Variants in ABCA10 observed in about 807,000 individuals in gnomAD.
ABCA10 encodes the protein ATP binding cassette subfamily A member 10.
Under a neutral mutation model 187.5 loss-of-function variants are expected in ABCA10, and 169 were observed. The observed-to-expected ratio is 0.90, with a 90% CI of 0.80 to 1.02. ABCA10 has a LOEUF of 1.02. Among genes scored for constraint, ABCA10 ranks in the 50% least tolerant of loss-of-function variants. The probability of loss-of-function intolerance (pLI) is 0.00; values close to 1 mark genes in which losing one functional copy is unlikely to be tolerated. For synonymous variants in ABCA10, 574 were observed against 601.8 expected, an observed-to-expected ratio of 0.95 and a Z score of 0.68; for missense variants, 1,727 against 1,812.4, an observed-to-expected ratio of 0.95 and a Z score of 0.86.
At chr17:69,231,808 A>G (rs1296176877), upstream of ABCA10, among the ~76,000 whole-genome samples, 1 of 149,290 alleles carries the variant, frequency 6.7e-6, no homozygotes, top group Non-Finnish European at 1.5e-5. Context: ...TGGTTTAATT[A>G]TAATGTTTCT....
intron 27 of ABCA10, among the ~76,000 whole-genome samples, chr17:69,163,128 C>A (rs1326812335): frequency 6.6e-6 from 1 of 152,044 alleles, no homozygotes; most frequent in African/African-American, 2.4e-5. Flanking sequence ...TGAGTCACTG[C>A]GCCTGGCCAA....
chr17:69,183,640 A>G (rs2074397927), intron 20 of ABCA10, among the ~76,000 whole-genome samples: 1 of 152,120 alleles, frequency 6.6e-6, no homozygotes, highest in African/African-American at 2.4e-5. Context: ...ACCTGGAGCT[A>G]AGACGAATTT....
At position 69,194,402 on chromosome 17, in the gene ABCA10, A is replaced by C. The variant is rs147311261; in HGVS notation, c.1328T>G (p.Leu443Trp). The change falls in exon 12 of 39, where the codon TTG (leucine) becomes TGG (tryptophan). Residue 443 changes from leucine to tryptophan, a missense_variant. Transcript: ENST00000690296. ...TTTCTCACCTTCTGTAGAAACAGACAATCCACTAAGAATGTTTAGCAGTGT... is the reference window on the plus strand; with the variant it reads ...TTTCTCACCTTCTGTAGAAACAGACCATCCACTAAGAATGTTTAGCAGTGT... ...KSTLLNILSG[L>W]SVSTEGSATI... 51 of 1,610,162 alleles carry C rather than the reference A, an allele frequency of 3.2e-5. No homozygotes were observed. The highest frequency in any genetic ancestry group is 4.2e-5 in the Non-Finnish European group (49 of 1,177,356).
chr17:69,185,147 G>A (rs1598102655), intron 20 of ABCA10, among the ~76,000 whole-genome samples: 2 of 151,988 alleles, frequency 1.3e-5, no homozygotes, highest in East Asian at 1.9e-4. Context: ...GAGGACTTGG[G>A]AAAGGGTGGG....
chr17:69,201,758 A>G (rs2074547469), intron 9 of ABCA10, 90 bp from the exon 10 acceptor site: 2 of 1,104,734 alleles, frequency 1.8e-6, no homozygotes, highest in South Asian at 2.2e-5. Context: ...TCAATTTTGA[A>G]CTTAAGTTAT....
At chr17:69,201,812 T>C in intron 9 of ABCA10, 144 bp from the exon 10 acceptor site, 1 of 695,662 alleles carries the variant, frequency 1.4e-6, no homozygotes, top group South Asian at 3.0e-5. Context: ...TTTGAGACAG[T>C]CACGCTCTGT....
intron 31 of ABCA10, 70 bp downstream of exon 31, chr17:69,154,165 A>G: frequency 6.8e-7 from 1 of 1,461,370 alleles, no homozygotes; most frequent in African/African-American, 1.4e-5. Flanking sequence ...AAGATATTTG[A>G]TTTACTGATA....
In ABCA10 at chr17:69,193,310, C is replaced by T. The variant is rs191162201; in HGVS notation, c.1642-62G>A. The T allele has an allele frequency of 1.1e-5, 17 of 1,577,806 alleles. No individual in the cohort carries two copies. In the Admixed American group the frequency reaches 1.5e-4, roughly 14 times the overall value. On this transcript the variant is annotated intron_variant, in intron 14 of 38. Transcript: ENST00000690296. ...TCACAGTGAGGATCTTCAGAAAGCACCATGAAAACAAGTATGATTTCTAGA... is the reference window on the plus strand; with the variant it reads ...TCACAGTGAGGATCTTCAGAAAGCATCATGAAAACAAGTATGATTTCTAGA...
chr17:69,205,389 G>C (rs1489479960), intron 9 of ABCA10, among the ~76,000 whole-genome samples: 2 of 152,190 alleles, frequency 1.3e-5, no homozygotes, highest in Non-Finnish European at 2.9e-5. Flanking sequence ...TATTTAATTT[G>C]CTGGGAATTT....
chr17:69,162,161 G>C (rs1484036784), intron 27 of ABCA10, among the ~76,000 whole-genome samples: 1 of 152,188 alleles, frequency 6.6e-6, no homozygotes, highest in Non-Finnish European at 1.5e-5. Flanking sequence ...GAAGACAAGA[G>C]CAGAGCATTC....
intron 37 of ABCA10, 98 bp from the exon 38 acceptor site, chr17:69,149,186 C>T: frequency 7.4e-7 from 1 of 1,354,374 alleles, no homozygotes; most frequent in Non-Finnish European, 1.0e-6. Flanking sequence ...TGTTTAGATA[C>T]TGTAAGATAT....
intron 1 of ABCA10, chr17:69,233,935 C>G (rs181208669): frequency 2.4e-4 from 37 of 152,328 alleles, no homozygotes; most frequent in African/African-American, 8.7e-4. Flanking sequence ...AACCTAAACC[C>G]AGAAGACTGT....
At position 69,182,275 on chromosome 17, in the gene ABCA10, C is replaced by G. The variant is rs984317465; in HGVS notation, c.2647G>C (p.Val883Leu). The change falls in exon 22 of 39, where the codon GTT becomes CTT. Residue 883 changes from valine to leucine, a missense_variant. Transcript: ENST00000690296. ...TTCAATTTCTTGGTATTACACGCAA[C>G]AGAAAATCTGTAATCCTTGAAAAAA... ...SGDQKDYRFS[V>L]ACNTKKLNCF... 6.4e-7 allele frequency: 1 copy of G among 1,552,406 alleles called. No homozygotes were observed. The highest frequency in any genetic ancestry group is 8.7e-7 in the Non-Finnish European group (1 of 1,149,344).
intron 8 of ABCA10, 123 bp downstream of exon 8, chr17:69,215,692 C>G (rs2074698264): frequency 1.0e-6 from 1 of 973,406 alleles, no homozygotes; most frequent in South Asian, 3.5e-5. Context: ...TTTAGTTTCT[C>G]AACAGCAGAA....
chr17:69,229,076 A>G (rs768743379), upstream of ABCA10, among the ~76,000 whole-genome samples: 6 of 152,048 alleles, frequency 3.9e-5, no homozygotes, highest in Non-Finnish European at 8.8e-5. Flanking sequence ...TTCCAATGAG[A>G]AAGTTTCATC....
chr17:69,222,847 C>T, intron 3 of ABCA10, 150 bp from the exon 4 acceptor site: 1 of 669,180 alleles, frequency 1.5e-6, no homozygotes, highest in Non-Finnish European at 2.2e-6. Flanking sequence ...CTGAGTGAAA[C>T]TATTGTTTTA....
chr17:69,211,558 C>A (rs1358162819), intron 9 of ABCA10, among the ~76,000 whole-genome samples: 1 of 151,532 alleles, frequency 6.6e-6, no homozygotes, highest in Non-Finnish European at 1.5e-5. Flanking sequence ...GGATAGGTAT[C>A]AATTCTTCTT....
chr17:69,175,267 T>C lies in ABCA10; in HGVS notation c.2877+139A>G, dbSNP rs1330778872. 3 of 703,088 alleles carry C rather than the reference T, an allele frequency of 4.3e-6. No homozygotes were observed. The African/African-American group carries it at 5.5e-5, about 13-fold the overall frequency. 43.6% of individuals were successfully genotyped at this position (703,088 alleles called of 1,614,324 possible). A position where few individuals can be genotyped will look rare whatever the true frequency, so the allele number is the denominator to read the frequency against. ...CTTTGAAATCATGTGTTTACTATAA[T>C]CTATACTGATATTAGATTGTAATGT... On this transcript the variant is annotated intron_variant, in intron 23 of 38. Transcript: ENST00000690296.
chr17:69,157,746 A>G (rs2074185201), intron 27 of ABCA10, among the ~76,000 whole-genome samples: 1 of 152,120 alleles, frequency 6.6e-6, no homozygotes, highest in African/African-American at 2.4e-5. Flanking sequence ...ACTTTTCAAA[A>G]CAGTTGTCTC....
Sources: gnomAD v4.1 joint callset for allele counts (sites outside exome capture counted in the v4.1 genomes callset) on GRCh38, gnomAD v4.1.1 for gene constraint, MANE v1.5 for transcripts, NCBI Gene and HGNC (gene_info 2026-07-23, HGNC 2026-07-21) for gene names.